FOCAD: variants seen among roughly 807,000 people sequenced by gnomAD.
FOCAD encodes focadhesin.
Under a neutral mutation model 225.6 loss-of-function variants are expected in FOCAD, and 198 were observed. The ratio of observed to expected loss-of-function variants is 0.88; its 90% CI spans 0.78 to 0.99. The LOEUF is 0.99. Ranked by LOEUF, FOCAD falls within the 50% of genes least tolerant of loss-of-function variation. FOCAD has a pLI of 0.00. For synonymous variants in FOCAD, 897 were observed against 755.0 expected (o/e 1.19, Z -3.08); for missense variants, 2,713 against 2,123.6 (o/e 1.28, Z -5.46).
intron 18 of FOCAD, 33 bp from the exon 19 acceptor site, chr9:20,874,648 T>C: frequency 6.3e-7 from 1 of 1,596,310 alleles, no homozygotes; most frequent in East Asian, 2.2e-5. Context: ...TTTATTATTA[T>C]CCTCTCTATG....
chr9:20,892,722 T>G (rs1042601780), intron 21 of FOCAD, among the ~76,000 whole-genome samples: 4 of 152,274 alleles, frequency 2.6e-5, no homozygotes, highest in South Asian at 2.1e-4. Flanking sequence ...TAAACGTACC[T>G]GATAATGTGG....
intron 15 of FOCAD, among the ~76,000 whole-genome samples, chr9:20,860,498 G>T (rs962422715): frequency 6.6e-6 from 1 of 151,996 alleles, no homozygotes; most frequent in Admixed American, 6.5e-5. Context: ...CTTTGTCCCT[G>T]TTATGCACTG....
intron 9 of FOCAD, among the ~76,000 whole-genome samples, chr9:20,781,012 C>T (rs912341826): frequency 5.9e-5 from 9 of 152,082 alleles, no homozygotes; most frequent in Non-Finnish European, 7.4e-5. Context: ...GATAATTTAA[C>T]GTTGAATCCC....
intron 28 of FOCAD, among the ~76,000 whole-genome samples, chr9:20,943,013 T>C (rs757070255): frequency 4.6e-5 from 7 of 152,190 alleles, no homozygotes; most frequent in Non-Finnish European, 8.8e-5. Context: ...TCAAATTTTG[T>C]CTAATTATAT....
chr9:20,900,699 A>G (rs1159462230), intron 21 of FOCAD, among the ~76,000 whole-genome samples: 1 of 151,948 alleles, frequency 6.6e-6, no homozygotes, highest in Non-Finnish European at 1.5e-5. Context: ...CCTAGAAAAT[A>G]CTGTGAAAAG....
At chr9:20,750,124 A>G (rs551499199) in intron 5 of FOCAD, among the ~76,000 whole-genome samples, 12 of 152,276 alleles carry the variant, frequency 7.9e-5, no homozygotes, top group East Asian at 5.8e-4. Flanking sequence ...CTTTGGGACA[A>G]TGTGCTAGAG....
chr9:20,905,659 G>T (rs1249184942), intron 21 of FOCAD, among the ~76,000 whole-genome samples: 2 of 151,960 alleles, frequency 1.3e-5, no homozygotes, highest in Non-Finnish European at 2.9e-5. Flanking sequence ...GAAAAAAGTT[G>T]AAGAAAATTG....
chr9:20,981,796 G>C, intron 38 of FOCAD, 110 bp downstream of exon 38: 1 of 1,221,666 alleles, frequency 8.2e-7, no homozygotes, highest in South Asian at 1.5e-5. Context: ...GGGAAGGCTA[G>C]CAAGAAATAA....
chr9:20,932,921 C>T (rs993611008), intron 27 of FOCAD, 93 bp from the exon 28 acceptor site: 1 of 860,744 alleles, frequency 1.2e-6, no homozygotes, highest in Non-Finnish European at 1.9e-6. Flanking sequence ...CTGGTATTTC[C>T]AGTAAAATAT....
intron 8 of FOCAD, among the ~76,000 whole-genome samples, chr9:20,774,271 G>A (rs191539657): frequency 6.6e-6 from 1 of 152,294 alleles, no homozygotes; most frequent in Non-Finnish European, 1.5e-5. Flanking sequence ...CTGGGTTCAG[G>A]ATATTTTGTT....
intron 29 of FOCAD, 115 bp from the exon 30 acceptor site, chr9:20,946,586 A>G (rs1310642055): frequency 5.4e-6 from 6 of 1,120,274 alleles, no homozygotes; most frequent in Non-Finnish European, 6.3e-6. Context: ...TGGTAAATGT[A>G]TGTGAATCCA....
In FOCAD at chr9:20,922,652, A is replaced by G. The variant is rs563071729; in HGVS notation, c.2853-1008A>G. ...TCATATCTGTTATAGTCCTGCCCTG[A>G]GGTAAGCAGGAAGTGGTTCTTGGAT... is the stretch of plus-strand genomic sequence containing the variant. On this transcript the variant is annotated intron_variant, in intron 24 of 43. Transcript: ENST00000338382. Among the ~76,000 whole-genome samples the G allele has an allele frequency of 1.7e-3, 266 of 152,314 alleles. 3 individuals are homozygous for G. The highest frequency in any genetic ancestry group is 6.1e-3 in the African/African-American group (255 of 41,562).
chr9:20,691,444 A>G (rs1822970140), intron 1 of FOCAD, among the ~76,000 whole-genome samples: 1 of 151,384 alleles, frequency 6.6e-6, no homozygotes, highest in Non-Finnish European at 1.5e-5. Context: ...CAGCCTTTAA[A>G]TATTAGCATT....
intron 16 of FOCAD, 145 bp downstream of exon 16, chr9:20,862,857 G>GCTATCTTACTCC: frequency 2.7e-6 from 2 of 735,190 alleles, no homozygotes; most frequent in South Asian, 3.0e-5. Context: ...ACTCTTAGGA[G>GCTATCTTACTCC]TAAGATAGCT....
At chr9:20,977,924 C>G (rs577322662) in intron 36 of FOCAD, among the ~76,000 whole-genome samples, 3 of 152,140 alleles carry the variant, frequency 2.0e-5, no homozygotes, top group African/African-American at 7.2e-5. Context: ...ACTAGAAAGG[C>G]TTGATGACTA....
At chr9:20,985,244 T>A (rs1233474596) in intron 39 of FOCAD, among the ~76,000 whole-genome samples, 1 of 152,258 alleles carries the variant, frequency 6.6e-6, no homozygotes, top group African/African-American at 2.4e-5. Flanking sequence ...TGTAATATCA[T>A]ACATTGGTCA....
intron 35 of FOCAD, among the ~76,000 whole-genome samples, chr9:20,957,969 C>G (rs867265523): frequency 6.6e-6 from 1 of 151,970 alleles, no homozygotes; most frequent in Non-Finnish European, 1.5e-5. Context: ...TTTTCAGTAC[C>G]TCAGCCCTGT....
At chr9:20,964,789 C>A (rs1047765377) in intron 35 of FOCAD, among the ~76,000 whole-genome samples, 1 of 152,186 alleles carries the variant, frequency 6.6e-6, no homozygotes, top group South Asian at 2.1e-4. Context: ...CCTCCTCGGC[C>A]TCCCAAAGTG....
In FOCAD at chr9:20,963,637, GTATT is replaced by G. The variant is rs538825865; in HGVS notation, c.4132+10575_4132+10578del. Among the ~76,000 whole-genome samples the G allele has an allele frequency of 2.0e-3, 308 of 152,320 alleles. 3 individuals carry two copies. Among genetic ancestry groups the G allele is most frequent in the Admixed American group, 0.018 (269 of 15,292 alleles). The stretch of plus-strand genomic sequence containing the variant: ...ATGGAGAGATGTAATTCTTGCATAG[GTATT>G]TACTATAATGTCTGCCAGTTTATCA... On this transcript the variant is annotated intron_variant, in intron 35 of 43. Transcript: ENST00000338382.
Sources: gnomAD v4.1 joint callset for allele counts (sites outside exome capture counted in the v4.1 genomes callset) on GRCh38, gnomAD v4.1.1 for gene constraint, MANE v1.5 for transcripts, NCBI Gene and HGNC (gene_info 2026-07-23, HGNC 2026-07-21) for gene names.